The following MROH2A variants were observed in gnomAD, a reference collection of about 807,000 sequenced individuals.
The protein encoded by MROH2A is maestro heat like repeat family member 2A, also known as maestro heat-like repeat-containing protein family member 2A.
MROH2A carries 174 observed loss-of-function variants against 200.4 expected under a neutral mutation model. The observed-to-expected ratio is 0.87, with a 90% CI of 0.77 to 0.98. The LOEUF (loss-of-function observed/expected upper bound fraction) is 0.98. MROH2A is among the 50% of genes least tolerant of loss of function. The pLI is 0.00. For synonymous variants in MROH2A, 829 were observed against 840.4 expected, an observed-to-expected ratio of 0.99 and a Z score of 0.23; for missense variants, 2,045 against 2,139.6, an observed-to-expected ratio of 0.96 and a Z score of 0.87.
rs57305919 is a variant in MROH2A, at chr2:233,823,808, G to T, written c.4113+144G>T. ...CCTCTGAGTGCTCATTCTCTCATCT[G>T]CTCCTTCATTCATTCATCACATGAG... On this transcript the variant is annotated intron_variant, in intron 35 of 41. Transcript: ENST00000389758. 8.2e-4 allele frequency: 839 copies of T among 1,024,492 alleles called. 8 individuals carry two copies. In the African/African-American group the frequency reaches 0.012, roughly 15 times the overall value. 63.5% of individuals were successfully genotyped at this position (1,024,492 alleles called of 1,614,324 possible). A position where few individuals can be genotyped will look rare whatever the true frequency, so the allele number is the denominator to read the frequency against.
chr2:233,784,131 G>A (rs565352321), intron 3 of MROH2A, among the ~76,000 whole-genome samples: 1 of 151,808 alleles, frequency 6.6e-6, no homozygotes, highest in African/African-American at 2.4e-5. Context: ...TGTATCATTA[G>A]GTTGCTTATT....
intron 28 of MROH2A, 115 bp downstream of exon 28, chr2:233,818,240 A>G (rs1243569837): frequency 1.6e-6 from 2 of 1,289,810 alleles, no homozygotes; most frequent in Non-Finnish European, 2.1e-6. Context: ...GCAGGCAGGC[A>G]TGGAGACAAA....
chr2:233,795,887 C>A, intron 9 of MROH2A, 80 bp from the exon 10 acceptor site: 1 of 1,529,586 alleles, frequency 6.5e-7, no homozygotes, highest in Non-Finnish European at 8.8e-7. Flanking sequence ...GCCCATGCAG[C>A]CCCAGGTATG....
chr2:233,822,932 C>T lies in MROH2A; in HGVS notation c.3918C>T (p.His1306=). The change falls in exon 34 of 42, where the codon CAC becomes CAT. Residue 1306 remains histidine (H), a synonymous_variant. Transcript: ENST00000389758. ...QLLFKRVKSQ[H]LAHTLDEQAV... is the part of the protein sequence containing the mutation. The stretch of plus-strand genomic sequence containing the variant: ...TGTTCAAGAGAGTCAAGAGCCAGCA[C>T]CTGGCACATACCCTGGACGAGCAGG... 6.4e-7 allele frequency: 1 copy of T among 1,550,628 alleles called. No homozygotes were observed. Among genetic ancestry groups the T allele is most frequent in the Non-Finnish European group, 8.7e-7 (1 of 1,146,976 alleles).
chr2:233,790,056 C>G, intron 5 of MROH2A, 42 bp downstream of exon 5: 1 of 1,493,794 alleles, frequency 6.7e-7, no homozygotes, highest in African/African-American at 1.4e-5. Flanking sequence ...GTGTGCCCTT[C>G]TGGTCTCTGC....
At chr2:233,782,947 A>AC (rs1701018615) in intron 3 of MROH2A, among the ~76,000 whole-genome samples, 1 of 54,494 alleles carries the variant, frequency 1.8e-5, no homozygotes. Flanking sequence ...TTTATCAAAT[A>AC]CTTTTTTTAG....
At chr2:233,787,728 T>G (rs183883779) in intron 3 of MROH2A, among the ~76,000 whole-genome samples, 4 of 32,608 alleles carry the variant, frequency 1.2e-4, no homozygotes, top group African/African-American at 5.1e-4. Flanking sequence ...ATATATATCA[T>G]ATATACATAT....
chr2:233,797,040 T>C (rs530610572), intron 11 of MROH2A, among the ~76,000 whole-genome samples: 2 of 152,372 alleles, frequency 1.3e-5, no homozygotes, highest in African/African-American at 4.8e-5. Flanking sequence ...AGTAAAAATA[T>C]TTTTGGCTTT....
chr2:233,776,662 G>A (rs901704015), upstream of MROH2A, among the ~76,000 whole-genome samples: 1 of 152,062 alleles, frequency 6.6e-6, no homozygotes. Flanking sequence ...ATGCTCAGGG[G>A]CCTCTTACTT....
chr2:233,829,214 C>A, intron 37 of MROH2A, 142 bp downstream of exon 37: 1 of 794,698 alleles, frequency 1.3e-6, no homozygotes, highest in Non-Finnish European at 1.9e-6. Context: ...ATCACGGGAT[C>A]TTGTGAAGTA....
chr2:233,832,692 A>G (rs542977422), intron 41 of MROH2A, 48 bp downstream of exon 41: 2 of 1,307,514 alleles, frequency 1.5e-6, no homozygotes, highest in African/African-American at 3.0e-5. Flanking sequence ...TCACCAACTC[A>G]CTAGGGGAGC....
chr2:233,819,872 G>A, intron 30 of MROH2A, 30 bp from the exon 31 acceptor site: 2 of 1,478,672 alleles, frequency 1.4e-6, no homozygotes, highest in East Asian at 2.5e-5. Flanking sequence ...GGCCTGGGCT[G>A]CCCCCCGGTG....
chr2:233,813,598 G>C (rs1052376271), intron 24 of MROH2A, 72 bp from the exon 25 acceptor site: 1 of 902,794 alleles, frequency 1.1e-6, no homozygotes, highest in Non-Finnish European at 1.8e-6. Flanking sequence ...TCCGTGCCCA[G>C]ATTGGGCAGT....
In MROH2A at chr2:233,810,797, A is replaced by G; in HGVS notation, c.2452A>G (p.Ile818Val). ...CCTTTTCCCCTTCTGGGCTCAGGAC[A>G]TCTGTCTCAAAATGGCCTTCATGAA... ...IHHYVSSCQD[I>V]CLKMAFMKSV... The change falls in exon 23 of 42, where the codon ATC (isoleucine) becomes GTC (valine). Residue 818 changes from isoleucine (I) to valine (V), a missense_variant. This residue lies in a region of MROH2A where 1,201 missense variants were observed against 1,311.3 expected (regional missense o/e 0.92). Coordinates refer to ENST00000389758, the MANE Select transcript of MROH2A (RefSeq NM_001394639.1). The G allele has an allele frequency of 6.5e-7, 1 of 1,550,238 alleles. No homozygotes were observed. Among genetic ancestry groups the G allele is most frequent in the South Asian group, 1.2e-5 (1 of 84,044 alleles).
intron 8 of MROH2A, among the ~76,000 whole-genome samples, chr2:233,795,021 T>C (rs11890704): frequency 0.082 from 12,496 of 152,262 alleles, 571 homozygotes; most frequent in East Asian, 0.15. Context: ...TGTGTCCCTC[T>C]GTGTCCTCTT....
In MROH2A at chr2:233,822,173, C is replaced by A; in HGVS notation, c.3562C>A (p.Arg1188=). The part of the protein sequence containing the change: ...LAVSENVPFA[R]TMLHSLMGRL... The stretch of plus-strand genomic sequence containing the variant: ...AGTGTCGGAGAACGTGCCCTTCGCC[C>A]GGACCATGCTCCACAGCCTGATGGG... Residue 1188 remains arginine, a synonymous_variant, in exon 32 of 42, where the codon CGG becomes AGG. Transcript: ENST00000389758. The A allele has an allele frequency of 1.3e-6, 2 of 1,549,868 alleles. No homozygotes were observed. Among genetic ancestry groups the A allele is most frequent in the South Asian group, 2.4e-5 (2 of 84,060 alleles).
At chr2:233,811,574 A>G (rs1703157371) in intron 23 of MROH2A, among the ~76,000 whole-genome samples, 1 of 152,218 alleles carries the variant, frequency 6.6e-6, no homozygotes, top group Non-Finnish European at 1.5e-5. Flanking sequence ...GCAGCCCTGT[A>G]AAATGGGTCT....
Position 233,829,769 on chromosome 2 carries a change from A to G in MROH2A, c.4596A>G (p.Ala1532=). Residue 1532 remains alanine (A), a synonymous_variant, in exon 38 of 42, where the codon GCA becomes GCG. Transcript: ENST00000389758. ...ACTCCCAGGACCCCTGCTCCAATGCAGCCCAAGTAAGATACATCCTGGGCT... is the reference window on the plus strand; with the variant it reads ...ACTCCCAGGACCCCTGCTCCAATGCGGCCCAAGTAAGATACATCCTGGGCT... The part of the protein sequence containing the change: ...MLHSQDPCSN[A]AQACMATMFQ... 1.5e-6 allele frequency: 2 copies of G among 1,370,696 alleles called. No individual in the cohort carries two copies. The highest frequency in any genetic ancestry group is 1.9e-6 in the Non-Finnish European group (2 of 1,055,298). 84.9% of individuals were successfully genotyped at this position (1,370,696 alleles called of 1,614,324 possible).
intron 1 of MROH2A, among the ~76,000 whole-genome samples, 166 bp from the exon 2 acceptor site, chr2:233,779,179 A>G (rs1700809876): frequency 6.6e-6 from 1 of 152,176 alleles, no homozygotes; most frequent in Non-Finnish European, 1.5e-5. Flanking sequence ...TCCACTCGAG[A>G]GAGGGTCACC....
Sources: gnomAD v4.1 joint callset for allele counts (sites outside exome capture counted in the v4.1 genomes callset) on GRCh38, gnomAD v4.1.1 for gene constraint, gnomAD v4.1.1 regional missense constraint, MANE v1.5 for transcripts, NCBI Gene and HGNC (gene_info 2026-07-23, HGNC 2026-07-21) for gene names.